Variants in FHL2 observed in about 807,000 individuals in gnomAD.
FHL2 encodes the protein four and a half LIM domains 2.
A neutral mutation model predicts 32.7 loss-of-function variants in FHL2; 20 were observed. The ratio of observed to expected loss-of-function variants is 0.61; its 90% CI spans 0.43 to 0.89. FHL2 has a LOEUF of 0.89. Ranked by LOEUF, FHL2 falls within the 40% of genes least tolerant of loss-of-function variation. The pLI is 0.00. For synonymous variants in FHL2, 123 were observed against 128.1 expected, an observed-to-expected ratio of 0.96 and a Z score of 0.27; for missense variants, 311 against 358.6, an observed-to-expected ratio of 0.87 and a Z score of 1.07.
chr2:105,358,637 GT>G (rs764192918), downstream of FHL2: 1 of 152,200 alleles, frequency 6.6e-6, no homozygotes, highest in African/African-American at 2.4e-5. Flanking sequence ...CTGAATGAAT[GT>G]TTATTTGTTG....
Position 105,410,144 on chromosome 2 carries a change from C to T in FHL2, c.-24-23604G>A, listed in dbSNP as rs1159892904. On this transcript the variant is annotated intron_variant, in intron 1 of 5. Transcript: ENST00000393352. ...GAAGTTTGCTAACCTAGGTCCAACCCAGAATCAGATTCAGATTCAGAGCAG... is the reference window on the plus strand; with the variant it reads ...GAAGTTTGCTAACCTAGGTCCAACCTAGAATCAGATTCAGATTCAGAGCAG... 2.0e-5 allele frequency among the ~76,000 whole-genome samples: 3 copies of T among 152,360 alleles called. No homozygotes were observed. In the East Asian group the frequency reaches 5.8e-4, roughly 29 times the overall value.
chr2:105,392,133 G>C lies in FHL2; in HGVS notation c.-25+4514C>G, dbSNP rs146014685. Among the ~76,000 whole-genome samples the C allele has an allele frequency of 3.6e-4, 55 of 152,294 alleles. 2 individuals carry two copies. Among genetic ancestry groups the C allele is most frequent in the African/African-American group, 1.2e-3 (50 of 41,562 alleles). On this transcript the variant is annotated intron_variant, in intron 2 of 6. Transcript: ENST00000530340. ...GCTCGGAGGTCTGGGGATGGCCCAG[G>C]GAAGGCTTTGATCTCTGAGTCTCTC...
Position 105,367,562 on chromosome 2 carries a change from T to A in FHL2, c.501+8A>T, listed in dbSNP as rs1033789814. ...AACGTGCAAGGGCCAAGGGGGCATC[T>A]GAGATACCTTTTTGCACTGAACGCA... On this transcript the variant is annotated splice_region_variant and intron_variant, in intron 5 of 6. Coordinates refer to ENST00000530340, the MANE Select transcript of FHL2 (RefSeq NM_001318895.3). 14 of 1,608,230 alleles carry A rather than the reference T, an allele frequency of 8.7e-6. No homozygotes were observed. The highest frequency in any genetic ancestry group is 1.1e-5 in the Non-Finnish European group (13 of 1,176,098).
chr2:105,384,304 T>C (rs913027586), intron 3 of FHL2, among the ~76,000 whole-genome samples: 10 of 152,150 alleles, frequency 6.6e-5, no homozygotes, highest in African/African-American at 2.4e-4. Context: ...GTTTCCAAAA[T>C]GAAAAGCGAC....
At chr2:105,399,068 C>T, upstream of FHL2, 1 of 1,491,116 alleles carries the variant, frequency 6.7e-7, no homozygotes, top group Non-Finnish European at 8.9e-7. Context: ...CTGCGCAGCT[C>T]CCGCCCTCGA....
At chr2:105,426,675 G>A (rs1397399444) in intron 1 of FHL2, among the ~76,000 whole-genome samples, 2 of 152,188 alleles carry the variant, frequency 1.3e-5, no homozygotes, top group Non-Finnish European at 2.9e-5. Flanking sequence ...GCAGAAGGGG[G>A]GCCAGGCACT....
chr2:105,399,170 G>A (rs1459729106), upstream of FHL2: 17 of 1,393,754 alleles, frequency 1.2e-5, no homozygotes, highest in South Asian at 2.1e-4. Context: ...GCGCCCCCAG[G>A]CCTCGCGGTT....
chr2:105,437,177 A>G (rs1684638262), intron 1 of FHL2, among the ~76,000 whole-genome samples: 1 of 152,228 alleles, frequency 6.6e-6, no homozygotes, highest in African/African-American at 2.4e-5. Flanking sequence ...GTTATGCATT[A>G]AAATATTTTT....
At chr2:105,408,146 C>A (rs1320283565) in intron 1 of FHL2, among the ~76,000 whole-genome samples, 3 of 152,270 alleles carry the variant, frequency 2.0e-5, no homozygotes, top group East Asian at 1.9e-4. Context: ...GCAGAGGTAC[C>A]CTCACAGTTG....
At chr2:105,409,298 G>T (rs893536433) in intron 1 of FHL2, among the ~76,000 whole-genome samples, 17 of 152,200 alleles carry the variant, frequency 1.1e-4, no homozygotes, top group African/African-American at 3.9e-4. Flanking sequence ...GCAAACAAGG[G>T]CGCTGGGTGT....
chr2:105,411,415 T>G (rs910124752), intron 1 of FHL2, among the ~76,000 whole-genome samples: 12 of 152,186 alleles, frequency 7.9e-5, no homozygotes, highest in African/African-American at 2.4e-4. Flanking sequence ...TTCTCATTCT[T>G]TTTCAAGCAC....
chr2:105,401,594 A>G (rs561756895), upstream of FHL2, among the ~76,000 whole-genome samples: 113 of 152,320 alleles, frequency 7.4e-4, no homozygotes, highest in African/African-American at 2.6e-3. Flanking sequence ...AAGAGTAGTC[A>G]TTGTAGAATT....
At chr2:105,432,787 A>G (rs955774112) in intron 1 of FHL2, among the ~76,000 whole-genome samples, 2 of 152,236 alleles carry the variant, frequency 1.3e-5, no homozygotes, top group Non-Finnish European at 2.9e-5. Context: ...CCTTAAGCAT[A>G]CATTATCATC....
chr2:105,421,107 T>A (rs550786503), intron 1 of FHL2, among the ~76,000 whole-genome samples: 11 of 152,330 alleles, frequency 7.2e-5, no homozygotes, highest in African/African-American at 2.6e-4. Flanking sequence ...CAGTTTATGG[T>A]CAGACTCCAT....
Position 105,422,914 on chromosome 2 carries a change from C to T in FHL2, c.-25+15485G>A, listed in dbSNP as rs1371922217. 6.6e-5 allele frequency among the ~76,000 whole-genome samples: 10 copies of T among 152,172 alleles called. No homozygotes were observed. In the East Asian group the frequency reaches 1.2e-3, roughly 18 times the overall value. ...CTGTACCTCTCAGATAACTAGGAAA[C>T]GAGAGTAAAGTCTTCCGTCAATAAT... On this transcript the variant is annotated intron_variant, in intron 1 of 5. Transcript: ENST00000393352.
chr2:105,359,920 A>G (rs1680148691), downstream of FHL2: 1 of 152,244 alleles, frequency 6.6e-6, no homozygotes, highest in African/African-American at 2.4e-5. Flanking sequence ...AGCTCTGCCA[A>G]GAAAAATGAC....
At chr2:105,395,957 G>A (rs571642569) in intron 2 of FHL2, among the ~76,000 whole-genome samples, 10 of 152,294 alleles carry the variant, frequency 6.6e-5, no homozygotes, top group African/African-American at 9.6e-5. Flanking sequence ...GAGACCAGAC[G>A]CTGCTCCAGA....
upstream of FHL2, among the ~76,000 whole-genome samples, chr2:105,404,005 G>T (rs72836927): frequency 8.9e-4 from 136 of 152,104 alleles, no homozygotes; most frequent in Admixed American, 1.7e-3. Flanking sequence ...GTGGGGTCGT[G>T]GGGGGGAGGC....
rs980328284 is a variant in FHL2, at chr2:105,422,054, G to A, written c.-25+16345C>T. ...GGAGTTGCCCTAGGAAAGAATCACG[G>A]TGGAGGGCAGTCCTTCCCCACATAC... On this transcript the variant is annotated intron_variant, in intron 1 of 5. Transcript: ENST00000393352. Among the ~76,000 whole-genome samples, 5 of 152,294 alleles carry A rather than the reference G, an allele frequency of 3.3e-5. No homozygotes were observed. The South Asian group carries it at 1.0e-3, about 32-fold the overall frequency.
Sources: gnomAD v4.1 joint callset for allele counts (sites outside exome capture counted in the v4.1 genomes callset) on GRCh38, gnomAD v4.1.1 for gene constraint, MANE v1.5 for transcripts, NCBI Gene and HGNC (gene_info 2026-07-23, HGNC 2026-07-21) for gene names.